Variants in SLC6A11 observed in about 807,000 individuals in gnomAD.
SLC6A11 encodes the protein sodium- and chloride-dependent GABA transporter 3.
SLC6A11 carries 25 observed loss-of-function variants against 74.8 expected under a neutral mutation model. That is an observed-to-expected ratio of 0.33 (90% CI 0.24 to 0.47). The LOEUF is 0.47. SLC6A11 is among the 20% of genes least tolerant of loss of function. The pLI is 1.00. For synonymous variants in SLC6A11, 330 were observed against 330.2 expected, an observed-to-expected ratio of 1.00 and a Z score of 0.01; for missense variants, 574 against 837.0, an observed-to-expected ratio of 0.69 and a Z score of 3.88.
intron 6 of SLC6A11, among the ~76,000 whole-genome samples, chr3:10,886,039 C>T (rs1238834092): frequency 6.6e-6 from 1 of 152,208 alleles, no homozygotes. Context: ...TGCTCAGACT[C>T]AGCTCTCTGC....
intron 6 of SLC6A11, among the ~76,000 whole-genome samples, chr3:10,879,343 C>A (rs909550820): frequency 2.0e-5 from 3 of 152,116 alleles, no homozygotes; most frequent in African/African-American, 7.2e-5. Context: ...GAAAACAAAA[C>A]CCCATGTATG....
At chr3:10,923,377 G>T (rs1376500186) in intron 8 of SLC6A11, among the ~76,000 whole-genome samples, 1 of 152,014 alleles carries the variant, frequency 6.6e-6, no homozygotes, top group East Asian at 1.9e-4. Flanking sequence ...AAAGGTTTGA[G>T]GCTTGTCAAA....
At chr3:10,886,807 CAA>C (rs200743729) in intron 6 of SLC6A11, among the ~76,000 whole-genome samples, 30 of 101,118 alleles carry the variant, frequency 3.0e-4, no homozygotes, top group Admixed American at 3.4e-4. Context: ...GACTCCATCT[CAA>C]AAAAAAAAAA....
chr3:10,924,730 A>G (rs985461472), intron 8 of SLC6A11, among the ~76,000 whole-genome samples: 4 of 152,244 alleles, frequency 2.6e-5, no homozygotes, highest in Non-Finnish European at 5.9e-5. Flanking sequence ...GACAATAAAC[A>G]TGTGAAGATA....
rs1013283347 is a variant in SLC6A11, at chr3:10,915,300, G to A, written c.996-3029G>A. Among the ~76,000 whole-genome samples, 1 of 152,006 alleles carries A rather than the reference G, an allele frequency of 6.6e-6. No homozygotes were observed. The highest frequency in any genetic ancestry group is 6.6e-5 in the Admixed American group (1 of 15,252). On this transcript the variant is annotated intron_variant, in intron 7 of 13. Transcript: ENST00000254488. This position sits in a 1 kb window ranked among gnomAD's most constrained non-coding sequence, Gnocchi z 4.3. ...TGGAGGATGTATGCTGTCAGCCATGGGTCCCTTCTGCTTCCCCCTCCAGCA... is the reference window on the plus strand; with the variant it reads ...TGGAGGATGTATGCTGTCAGCCATGAGTCCCTTCTGCTTCCCCCTCCAGCA...
intron 11 of SLC6A11, 128 bp from the exon 12 acceptor site, chr3:10,933,938 G>A (rs1428548799): frequency 1.5e-6 from 1 of 651,916 alleles, no homozygotes; most frequent in East Asian, 2.7e-5. Context: ...TGTTTAAGCA[G>A]TACAAAGATT....
At chr3:10,851,614 C>T (rs13060065) in intron 5 of SLC6A11, among the ~76,000 whole-genome samples, 1,538 of 152,326 alleles carry the variant, frequency 0.01, 21 homozygotes, top group Non-Finnish European at 0.013. Context: ...CCTCCAGGCC[C>T]TGCTCCAAGG....
Position 10,889,490 on chromosome 3 carries a change from A to T in SLC6A11, c.891+14395A>T, listed in dbSNP as rs111420392. ...CCTTCCCCTGAACTGATCTTTTCCC[A>T]ACCTCCATAGTGTTGACTTTTCCAG... On this transcript the variant is annotated intron_variant, in intron 6 of 13. Transcript: ENST00000254488. Among the ~76,000 whole-genome samples the T allele has an allele frequency of 7.2e-3, 1,098 of 152,172 alleles. 10 individuals carry two copies. Among genetic ancestry groups the T allele is most frequent in the African/African-American group, 0.022 (906 of 41,514 alleles).
At chr3:10,894,155 C>T (rs1695141887) in intron 6 of SLC6A11, among the ~76,000 whole-genome samples, 1 of 152,228 alleles carries the variant, frequency 6.6e-6, no homozygotes, top group Non-Finnish European at 1.5e-5. Flanking sequence ...TTACCCATTC[C>T]CCCAGGCCCC....
intron 5 of SLC6A11, among the ~76,000 whole-genome samples, chr3:10,873,494 G>C (rs796976083): frequency 4.0e-3 from 338 of 83,884 alleles, no homozygotes; most frequent in South Asian, 0.017. Context: ...CCTACCCTAT[G>C]CTATCCTATC....
intron 6 of SLC6A11, among the ~76,000 whole-genome samples, chr3:10,877,500 A>T (rs1186770380): frequency 6.6e-6 from 1 of 152,204 alleles, no homozygotes; most frequent in Non-Finnish European, 1.5e-5. Context: ...CCTTCCTGCG[A>T]TGCAGAGTCC....
At chr3:10,917,200 A>T (rs1695467924) in intron 7 of SLC6A11, among the ~76,000 whole-genome samples, 3 of 152,230 alleles carry the variant, frequency 2.0e-5, no homozygotes, top group Admixed American at 2.0e-4. Context: ...AGCCTGAAGG[A>T]ACTCCAGGCT....
chr3:10,917,293 G>A (rs192724031), intron 7 of SLC6A11, among the ~76,000 whole-genome samples: 1 of 152,290 alleles, frequency 6.6e-6, no homozygotes, highest in East Asian at 1.9e-4. Context: ...ACGCTAAGCA[G>A]TAAGAGCTGT....
At chr3:10,844,856 C>T (rs1229138452) in intron 5 of SLC6A11, among the ~76,000 whole-genome samples, 1 of 152,218 alleles carries the variant, frequency 6.6e-6, no homozygotes, top group Non-Finnish European at 1.5e-5. Flanking sequence ...TCCAGGGTTG[C>T]TGCCTCACCA....
intron 13 of SLC6A11, 72 bp downstream of exon 13, chr3:10,935,271 A>G (rs567035653): frequency 5.0e-6 from 7 of 1,393,402 alleles, no homozygotes; most frequent in South Asian, 5.0e-5. Context: ...CCTCATCTGC[A>G]TGGTGCGCGA....
In SLC6A11 at chr3:10,918,227, G is replaced by T. The variant is rs889284890; in HGVS notation, c.996-102G>T. Reference sequence around the variant, plus strand: ...GAGCTCCCTGTGCCTGCACTTCCCTGCCTGCCTCACAGGACAGCCATGGTG... The same window carrying T: ...GAGCTCCCTGTGCCTGCACTTCCCTTCCTGCCTCACAGGACAGCCATGGTG... On this transcript the variant is annotated intron_variant, in intron 7 of 13. Coordinates refer to ENST00000254488, the MANE Select transcript of SLC6A11 (RefSeq NM_014229.3). This position sits in a 1 kb window ranked among gnomAD's most constrained non-coding sequence, Gnocchi z 4.5. 2 of 1,344,896 alleles carry T rather than the reference G, an allele frequency of 1.5e-6. No homozygotes were observed. The highest frequency in any genetic ancestry group is 2.9e-5 in the Admixed American group (1 of 34,644). The allele number at this position is 1,344,896 out of a possible 1,614,324, so 83.3% of individuals were successfully genotyped here.
chr3:10,856,915 A>G (rs776272671), intron 5 of SLC6A11, among the ~76,000 whole-genome samples: 1 of 151,994 alleles, frequency 6.6e-6, no homozygotes, highest in Non-Finnish European at 1.5e-5. Flanking sequence ...CCCCCACCTC[A>G]CGGGTTGTTA....
intron 10 of SLC6A11, 77 bp from the exon 11 acceptor site, chr3:10,933,074 C>T (rs186441677): frequency 1.0e-6 from 1 of 994,824 alleles, no homozygotes; most frequent in East Asian, 2.4e-5. Context: ...AGGGACCTTC[C>T]TGAGGCCAGA....
At chr3:10,864,996 A>T (rs1216517663) in intron 5 of SLC6A11, among the ~76,000 whole-genome samples, 1 of 152,184 alleles carries the variant, frequency 6.6e-6, no homozygotes, top group Non-Finnish European at 1.5e-5. Flanking sequence ...AGTGTCCCTC[A>T]CAGCTGAGAC....
Sources: allele counts gnomAD v4.1 joint callset (sites outside exome capture counted in the v4.1 genomes callset), GRCh38; gene constraint gnomAD v4.1.1; non-coding constraint Gnocchi (gnomAD v3.1); transcripts MANE v1.5; gene names NCBI Gene and HGNC (gene_info 2026-07-23, HGNC 2026-07-21).